The following NRXN2 variants were observed in gnomAD, a reference collection of about 807,000 sequenced individuals.
NRXN2 encodes the protein neurexin-2-beta.
In NRXN2, 29 loss-of-function variants were observed where a neutral mutation model predicts 128.8. That is an observed-to-expected ratio of 0.23 (90% CI 0.17 to 0.31). NRXN2 has a LOEUF of 0.31. Among genes scored for constraint, NRXN2 ranks in the 10% least tolerant of loss-of-function variants. NRXN2 has a pLI of 1.00. For missense variants in NRXN2, 1,881 were observed against 2,452.6 expected (o/e 0.77, Z 4.92); for synonymous variants, 1,098 against 1,075.2 (o/e 1.02, Z -0.41).
chr11:64,674,063 G>A (rs1267171008), intron 7 of NRXN2, among the ~76,000 whole-genome samples: 2 of 151,840 alleles, frequency 1.3e-5, no homozygotes, highest in Non-Finnish European at 2.9e-5. Flanking sequence ...AAAGCAGGCG[G>A]TGGGGAGGTC....
intron 20 of NRXN2, among the ~76,000 whole-genome samples, 159 bp downstream of exon 20, chr11:64,626,299 AGACCC>A (rs1185997922): frequency 6.6e-6 from 1 of 152,226 alleles, no homozygotes; most frequent in Non-Finnish European, 1.5e-5. Context: ...ATGCACAGAC[AGACCC>A]TTGACTCCAA....
At position 64,631,280 on chromosome 11, in the gene NRXN2, G is replaced by A. The variant is rs961555751; in HGVS notation, c.3586-707C>T. On this transcript the variant is annotated intron_variant, in intron 18 of 22. Transcript: ENST00000265459. The surrounding 1 kb of genome is among the most constrained non-coding windows in gnomAD (Gnocchi z 4.8). ...GCTAGACTGACCAAGAAAGGGGATC[G>A]TGGGGGTTTCGGGGTAGGGGGTGGA... Among the ~76,000 whole-genome samples the A allele has an allele frequency of 4.0e-5, 6 of 151,684 alleles. No homozygotes were observed. The South Asian group carries it at 6.3e-4, about 16-fold the overall frequency.
At chr11:64,646,149 A>C (rs958899344) in intron 17 of NRXN2, among the ~76,000 whole-genome samples, 3 of 152,124 alleles carry the variant, frequency 2.0e-5, no homozygotes, top group Admixed American at 1.3e-4. Context: ...GCAGCAGCAC[A>C]CTGAGCCCTG....
Position 64,607,295 on chromosome 11 carries a change from C to G in NRXN2, c.5040G>C (p.Ser1680=), listed in dbSNP as rs774150455. The change falls in exon 23 of 23, where the codon TCG becomes TCC. Residue 1680 remains serine (S), a synonymous_variant. Transcript: ENST00000265459. ...VDQSRNYISN[S]AQSNGAVVKE... ...TCACCACCGCCCCATTGCTCTGGGC[C>G]GAGTTACTGATGTAGTTTCGGCTCT... 9 of 1,613,820 alleles carry G rather than the reference C, an allele frequency of 5.6e-6. No individual in the cohort carries two copies. Among genetic ancestry groups the G allele is most frequent in the Middle Eastern group, 1.6e-4 (1 of 6,084 alleles).
chr11:64,651,323 G>T lies in NRXN2; in HGVS notation c.2850C>A (p.Ala950=). Residue 950 remains alanine (A), a synonymous_variant, in exon 14 of 23, where the codon GCC becomes GCA. Coordinates refer to ENST00000265459, the MANE Select transcript of NRXN2 (RefSeq NM_015080.4). The surrounding 1 kb of genome is among the most constrained non-coding windows in gnomAD (Gnocchi z 5.9). ...MHLFFQFKTT[A]PDGLLLFNSG... Reference sequence around the variant, plus strand: ...AGTTGAACAGAAGAAGCCCATCAGGGGCCGTGGTCTTGAACTGGAAGAAGA... The same window carrying T: ...AGTTGAACAGAAGAAGCCCATCAGGTGCCGTGGTCTTGAACTGGAAGAAGA... 1 of 1,614,204 alleles carries T rather than the reference G, an allele frequency of 6.2e-7. No individual in the cohort carries two copies. Among genetic ancestry groups the T allele is most frequent in the Non-Finnish European group, 8.5e-7 (1 of 1,180,036 alleles).
intron 7 of NRXN2, among the ~76,000 whole-genome samples, chr11:64,671,666 G>A (rs1192954840): frequency 3.3e-5 from 5 of 152,098 alleles, no homozygotes; most frequent in Non-Finnish European, 5.9e-5. Context: ...GTAAGAAGGC[G>A]TGCGGGGCAG....
chr11:64,639,661 G>A (rs528476366), intron 17 of NRXN2, among the ~76,000 whole-genome samples: 65 of 152,034 alleles, frequency 4.3e-4, no homozygotes, highest in Non-Finnish European at 7.5e-4. Context: ...GTGTCTGGCA[G>A]GTAAGGACAT....
chr11:64,700,599 A>G (rs1163968403), intron 2 of NRXN2, among the ~76,000 whole-genome samples: 1 of 152,148 alleles, frequency 6.6e-6, no homozygotes, highest in African/African-American at 2.4e-5. Flanking sequence ...GCCCTTCTCC[A>G]CTGCAATCCT....
intron 1 of NRXN2, among the ~76,000 whole-genome samples, chr11:64,718,160 G>A (rs930498148): frequency 6.6e-6 from 1 of 152,094 alleles, no homozygotes; most frequent in Non-Finnish European, 1.5e-5. Flanking sequence ...CCTCCAACCT[G>A]ACCAAAGGCC....
chr11:64,636,744 G>A (rs554584296), intron 17 of NRXN2, among the ~76,000 whole-genome samples: 1 of 152,214 alleles, frequency 6.6e-6, no homozygotes, highest in South Asian at 2.1e-4. Context: ...CCTGCAGTGG[G>A]GGGCAGGAGG....
Position 64,607,651 on chromosome 11 carries a change from C to A in NRXN2, c.4684G>T (p.Ala1562Ser). ...APSAPAPNLP[A>S]GKMNHRDPLQ... The stretch of plus-strand genomic sequence containing the variant: ...GGGTCTCGGTGGTTCATTTTGCCCG[C>A]CGGCAGGTTGGGGGCCGGGGCGGAG... Residue 1562 changes from alanine (A) to serine (S), a missense_variant, in exon 23 of 23, where the codon GCG (alanine) becomes TCG (serine). Ala to Ser is a moderately conservative substitution (Grantham distance 99). Coordinates refer to ENST00000265459, the MANE Select transcript of NRXN2 (RefSeq NM_015080.4). 1 of 1,522,124 alleles carries A rather than the reference C, an allele frequency of 6.6e-7. No individual in the cohort carries two copies. The highest frequency in any genetic ancestry group is 8.8e-7 in the Non-Finnish European group (1 of 1,133,254). The allele number at this position is 1,522,124 out of a possible 1,614,324, so 94.3% of individuals were successfully genotyped here.
chr11:64,700,966 C>T (rs1318706983), intron 2 of NRXN2, among the ~76,000 whole-genome samples: 1 of 152,198 alleles, frequency 6.6e-6, no homozygotes, highest in Non-Finnish European at 1.5e-5. Flanking sequence ...ATCACCGGGT[C>T]CTACTGGTTC....
At chr11:64,642,617 C>T (rs752804020) in intron 17 of NRXN2, 7 of 1,609,838 alleles carry the variant, frequency 4.3e-6, no homozygotes, top group Non-Finnish European at 5.1e-6. Context: ...AAGTGGTGGA[C>T]GTGGTGGGTG....
At chr11:64,625,423 G>A (rs570946916) in intron 20 of NRXN2, among the ~76,000 whole-genome samples, 7 of 152,328 alleles carry the variant, frequency 4.6e-5, no homozygotes, top group South Asian at 2.1e-4. Context: ...AGGTTTTAGC[G>A]ATGTCTGTTA....
At chr11:64,688,535 A>G (rs1217064779) in intron 5 of NRXN2, 2 of 985,268 alleles carry the variant, frequency 2.0e-6, no homozygotes, top group East Asian at 2.3e-4. Flanking sequence ...AGCAGAGCAC[A>G]AACAAGATCT....
intron 9 of NRXN2, among the ~76,000 whole-genome samples, chr11:64,662,469 A>C (rs1336963143): frequency 6.6e-6 from 1 of 152,082 alleles, no homozygotes; most frequent in Admixed American, 6.5e-5. Context: ...GTCCTTTTTC[A>C]AGTTTGGAAG....
chr11:64,620,173 C>T, intron 22 of NRXN2, 121 bp downstream of exon 22: 1 of 757,920 alleles, frequency 1.3e-6, no homozygotes. Flanking sequence ...GGGGAACTAT[C>T]AGGGAAAGCT....
At chr11:64,621,332 A>T (rs1054360231) in intron 21 of NRXN2, among the ~76,000 whole-genome samples, 4 of 151,908 alleles carry the variant, frequency 2.6e-5, no homozygotes, top group Non-Finnish European at 5.9e-5. Context: ...TCACCCTCCC[A>T]CTGAGACCAG....
intron 2 of NRXN2, among the ~76,000 whole-genome samples, chr11:64,699,425 C>CTTTTTTTTTTTT (rs67776872): frequency 2.3e-4 from 21 of 92,126 alleles, no homozygotes; most frequent in African/African-American, 2.6e-4. Flanking sequence ...TAATAGTTTT[C>CTTTTTTTTTTTT]TTTTTTTTTT....
Sources: gnomAD v4.1 joint callset for allele counts (sites outside exome capture counted in the v4.1 genomes callset) on GRCh38, gnomAD v4.1.1 for gene constraint, Gnocchi (gnomAD v3.1) non-coding constraint, MANE v1.5 for transcripts, NCBI Gene and HGNC (gene_info 2026-07-23, HGNC 2026-07-21) for gene names.